The following DNAH6 variants were observed in gnomAD, a reference collection of about 807,000 sequenced individuals.
DNAH6 encodes dynein axonemal heavy chain 6.
A neutral mutation model predicts 491.4 loss-of-function variants in DNAH6; 340 were observed. The observed-to-expected ratio is 0.69, with a 90% CI of 0.63 to 0.76. The LOEUF (loss-of-function observed/expected upper bound fraction) is 0.76, where lower values mean the gene tolerates loss of function less well. Ranked by LOEUF, DNAH6 falls within the 30% of genes least tolerant of loss-of-function variation. DNAH6 has a pLI of 0.00. For synonymous variants in DNAH6, 1,603 were observed against 1,686.1 expected (o/e 0.95, Z 1.21); for missense variants, 4,443 against 4,972.2 (o/e 0.89, Z 3.20).
chr2:84,725,477 T>A (rs962546568), intron 60 of DNAH6, among the ~76,000 whole-genome samples: 7 of 152,228 alleles, frequency 4.6e-5, no homozygotes, highest in African/African-American at 1.7e-4. Context: ...GCTCCCTTCC[T>A]TCAGTTGACA....
intron 26 of DNAH6, among the ~76,000 whole-genome samples, chr2:84,623,892 A>G (rs753540520): frequency 6.6e-6 from 1 of 152,210 alleles, no homozygotes; most frequent in Non-Finnish European, 1.5e-5. Context: ...CTTTAACCAC[A>G]TTTAATTTTT....
chr2:84,551,652 T>G (rs945574771), intron 9 of DNAH6, among the ~76,000 whole-genome samples: 1 of 152,220 alleles, frequency 6.6e-6, no homozygotes, highest in Non-Finnish European at 1.5e-5. Flanking sequence ...AATTCCTAGA[T>G]GTGGAATTGA....
intron 33 of DNAH6, among the ~76,000 whole-genome samples, chr2:84,651,589 T>G (rs1690459256): frequency 6.6e-6 from 1 of 152,050 alleles, no homozygotes; most frequent in Non-Finnish European, 1.5e-5. Flanking sequence ...CAGTAAGCTT[T>G]TCCTGGGGCT....
At chr2:84,663,132 G>A (rs1404114341) in intron 37 of DNAH6, among the ~76,000 whole-genome samples, 8 of 152,168 alleles carry the variant, frequency 5.3e-5, no homozygotes, top group African/African-American at 1.9e-4. Flanking sequence ...CACAAAGATG[G>A]GGAGAAACCA....
At chr2:84,779,659 G>C (rs1292303189) in intron 64 of DNAH6, among the ~76,000 whole-genome samples, 1 of 152,072 alleles carries the variant, frequency 6.6e-6, no homozygotes, top group Non-Finnish European at 1.5e-5. Flanking sequence ...GATATGTAAG[G>C]TTTTGATCCT....
In DNAH6 at chr2:84,710,320, A is replaced by C; in HGVS notation, c.9286A>C (p.Ser3096Arg). 6.4e-7 allele frequency: 1 copy of C among 1,551,706 alleles called. No individual in the cohort carries two copies. The highest frequency in any genetic ancestry group is 8.7e-7 in the Non-Finnish European group (1 of 1,146,974). Residue 3096 changes from serine (S) to arginine (R), a missense_variant, in exon 56 of 77, where the codon AGT becomes CGT. Coordinates refer to ENST00000389394, the MANE Select transcript of DNAH6 (RefSeq NM_001370.2). ...NRWIRNKESK[S>R]GLKIIKLTDS... ...TTGGATAAGGAACAAGGAAAGCAAA[A>C]GTGGTTTAAAGATCATTAAGCTTAC...
intron 14 of DNAH6, among the ~76,000 whole-genome samples, chr2:84,580,332 A>G (rs1304730935): frequency 1.3e-5 from 2 of 151,514 alleles, no homozygotes; most frequent in Middle Eastern, 3.4e-3. Flanking sequence ...ACACACACAC[A>G]CACACACACA....
At chr2:84,634,359 T>G in intron 29 of DNAH6, 145 bp from the exon 30 acceptor site, 1 of 742,392 alleles carries the variant, frequency 1.3e-6, no homozygotes, top group Non-Finnish European at 1.9e-6. Context: ...AAGTGTTTAC[T>G]TCTGACATAG....
intron 13 of DNAH6, 113 bp downstream of exon 13, chr2:84,577,521 A>G (rs1682580306): frequency 1.3e-6 from 1 of 760,370 alleles, no homozygotes; most frequent in Non-Finnish European, 1.9e-6. Flanking sequence ...AAAAATTAAC[A>G]TAAGACTATT....
intron 14 of DNAH6, among the ~76,000 whole-genome samples, chr2:84,580,440 C>A (rs1163234865): frequency 6.6e-6 from 1 of 151,992 alleles, no homozygotes; most frequent in Non-Finnish European, 1.5e-5. Flanking sequence ...GCATTTGGCT[C>A]CAATAGTTTT....
At chr2:84,712,214 T>A (rs1165411363) in intron 56 of DNAH6, among the ~76,000 whole-genome samples, 2 of 152,232 alleles carry the variant, frequency 1.3e-5, no homozygotes, top group African/African-American at 4.8e-5. Flanking sequence ...CATTTTCAAA[T>A]GAAATAAAAT....
chr2:84,637,597 G>A (rs986257513), intron 31 of DNAH6, among the ~76,000 whole-genome samples: 4 of 152,100 alleles, frequency 2.6e-5, no homozygotes, highest in Non-Finnish European at 5.9e-5. Context: ...GAATATAATA[G>A]GCCCCTAAAA....
intron 64 of DNAH6, among the ~76,000 whole-genome samples, chr2:84,780,822 G>A (rs1676620702): frequency 6.6e-6 from 1 of 151,750 alleles, no homozygotes; most frequent in East Asian, 1.9e-4. Flanking sequence ...GCTTGACTGT[G>A]GTGTATGTTG....
At chr2:84,641,095 A>G (rs181382856) in intron 32 of DNAH6, among the ~76,000 whole-genome samples, 4 of 137,294 alleles carry the variant, frequency 2.9e-5, no homozygotes, top group African/African-American at 9.9e-5. Flanking sequence ...TCTAGTAAAG[A>G]AAGAGTCTTT....
chr2:84,719,493 G>GT (rs56133927), intron 59 of DNAH6, among the ~76,000 whole-genome samples: 26,771 of 150,842 alleles, frequency 0.18, 2,542 homozygotes, highest in African/African-American at 0.23. Context: ...TTGAGTTTTT[G>GT]TTTTTTTTGT....
chr2:84,798,054 A>G (rs1011136778), intron 70 of DNAH6, among the ~76,000 whole-genome samples: 4 of 152,246 alleles, frequency 2.6e-5, no homozygotes, highest in African/African-American at 7.2e-5. Context: ...ACGTGATTCA[A>G]TTATAAAAAT....
chr2:84,812,854 C>A (rs1243796362), intron 73 of DNAH6, among the ~76,000 whole-genome samples: 1 of 152,110 alleles, frequency 6.6e-6, no homozygotes, highest in Admixed American at 6.5e-5. Flanking sequence ...TCACATACCC[C>A]ACAATAACCA....
At position 84,727,780 on chromosome 2, in the gene DNAH6, C is replaced by G. The variant is rs1698776520; in HGVS notation, c.10084C>G (p.Leu3362Val). Residue 3362 changes from leucine to valine, a missense_variant, in exon 61 of 77, where the codon CTT becomes GTT. Leu to Val is a conservative substitution (Grantham distance 32). Coordinates refer to ENST00000389394, the MANE Select transcript of DNAH6 (RefSeq NM_001370.2). ...LTAYVNVSRG[L>V]FEQHKLIYSF... ...TGCTTATGTCAATGTTTCAAGAGGA[C>G]TTTTTGAGCAACATAAACTCATCTA... The G allele has an allele frequency of 1.3e-6, 2 of 1,551,374 alleles. No individual in the cohort carries two copies. The highest frequency in any genetic ancestry group is 1.7e-6 in the Non-Finnish European group (2 of 1,146,708).
chr2:84,521,912 C>G (rs747663122), intron 2 of DNAH6, among the ~76,000 whole-genome samples: 1 of 152,078 alleles, frequency 6.6e-6, no homozygotes, highest in Non-Finnish European at 1.5e-5. Context: ...AACATGATGC[C>G]TCCAGTGTTC....
Sources: allele counts gnomAD v4.1 joint callset (sites outside exome capture counted in the v4.1 genomes callset), GRCh38; gene constraint gnomAD v4.1.1; transcripts MANE v1.5; gene names NCBI Gene and HGNC (gene_info 2026-07-23, HGNC 2026-07-21).